ADD2: variants seen among roughly 807,000 people sequenced by gnomAD.
ADD2 encodes the protein beta-adducin.
In ADD2, 23 loss-of-function variants were observed where a neutral mutation model predicts 83.0. The ratio of observed to expected loss-of-function variants is 0.28; its 90% CI spans 0.20 to 0.39. The LOEUF is 0.39. Among genes scored for constraint, ADD2 ranks in the 10% least tolerant of loss-of-function variants. The probability of loss-of-function intolerance (pLI) is 1.00; values close to 1 mark genes in which losing one functional copy is unlikely to be tolerated. For missense variants in ADD2, 758 were observed against 944.9 expected (o/e 0.80, Z 2.59); for synonymous variants, 375 against 375.4 (o/e 1.00, Z 0.01).
chr2:70,687,108 C>G (rs924686828), intron 9 of ADD2: 1 of 152,304 alleles, frequency 6.6e-6, no homozygotes, highest in Non-Finnish European at 1.5e-5. Context: ...CAACACCCCT[C>G]TTTGTGTCCT....
chr2:70,734,062 C>A lies in ADD2; in HGVS notation c.-153-20878G>T, dbSNP rs574579416. Among the ~76,000 whole-genome samples, 8 of 152,180 alleles carry A rather than the reference C, an allele frequency of 5.3e-5. No individual in the cohort carries two copies. In the South Asian group the frequency reaches 1.7e-3, roughly 32 times the overall value. The stretch of plus-strand genomic sequence containing the variant: ...TGCCGGGACCTGCTATCTCCACCCC[C>A]CTCTCCCCGGGGACACTGAAGACCC... On this transcript the variant is annotated intron_variant, in intron 1 of 15. Coordinates refer to ENST00000264436, the MANE Select transcript of ADD2 (RefSeq NM_001617.4).
At chr2:70,746,060 G>A (rs1192116577) in intron 1 of ADD2, among the ~76,000 whole-genome samples, 1 of 152,140 alleles carries the variant, frequency 6.6e-6, no homozygotes, top group East Asian at 1.9e-4. Flanking sequence ...TGAGACTGTC[G>A]TTATGATAAT....
At chr2:70,732,724 C>G (rs1283132909) in intron 1 of ADD2, among the ~76,000 whole-genome samples, 1 of 152,172 alleles carries the variant, frequency 6.6e-6, no homozygotes. Flanking sequence ...AAAGTCTCCT[C>G]TGAACCAAGC....
At chr2:70,692,294 C>T (rs1671082449) in intron 7 of ADD2, 109 bp downstream of exon 7, 3 of 1,282,274 alleles carry the variant, frequency 2.3e-6, no homozygotes, top group African/African-American at 1.5e-5. Flanking sequence ...TCTCTCGCTT[C>T]ACCTTGGCCT....
chr2:70,766,497 G>A (rs1675390713), intron 1 of ADD2, among the ~76,000 whole-genome samples: 1 of 152,166 alleles, frequency 6.6e-6, no homozygotes, highest in Admixed American at 6.5e-5. Flanking sequence ...AGTCTGAAAC[G>A]TCATAGTTCT....
intron 7 of ADD2, 61 bp from the exon 8 acceptor site, chr2:70,690,990 C>A: frequency 6.4e-7 from 1 of 1,557,638 alleles, no homozygotes; most frequent in Non-Finnish European, 8.7e-7. Flanking sequence ...CTCAGAGCAG[C>A]ACAGTCCAGC....
chr2:70,729,975 A>G (rs2863798), intron 1 of ADD2, among the ~76,000 whole-genome samples: 3,908 of 152,350 alleles, frequency 0.026, 93 homozygotes, highest in Admixed American at 0.063. Context: ...ATTCAAGTCC[A>G]CACATTTTTG....
intron 1 of ADD2, among the ~76,000 whole-genome samples, chr2:70,721,739 A>G (rs928929174): frequency 4.6e-5 from 7 of 152,232 alleles, no homozygotes; most frequent in African/African-American, 1.7e-4. Context: ...TACCTTAATG[A>G]TTAGTCCAAT....
intron 15 of ADD2, among the ~76,000 whole-genome samples, chr2:70,668,014 G>C (rs958079895): frequency 6.6e-6 from 1 of 152,060 alleles, no homozygotes; most frequent in Admixed American, 6.6e-5. Flanking sequence ...CTCTCACATA[G>C]AACAAAAAGG....
rs1673661566 is a variant in ADD2 at position 70,737,802 on chromosome 2, C to T, written c.-153-24618G>A. ...TCATCCAAGTCCCCCTGTTCTGATT[C>T]CATCTCCCAAAAAATTCTTCTGATT... On this transcript the variant is annotated intron_variant, in intron 1 of 15. Coordinates refer to ENST00000264436, the MANE Select transcript of ADD2 (RefSeq NM_001617.4). Among the ~76,000 whole-genome samples, 2 of 152,168 alleles carry T rather than the reference C, an allele frequency of 1.3e-5. 1 individual carries two copies. Among genetic ancestry groups the T allele is most frequent in the South Asian group, 4.1e-4 (2 of 4,820 alleles).
rs1672280342 is a variant in ADD2 at position 70,713,064 on chromosome 2, A to C, written c.-35+2T>G. On this transcript the variant is annotated splice_donor_variant, in intron 2 of 15. Coordinates refer to ENST00000264436, the MANE Select transcript of ADD2 (RefSeq NM_001617.4). LOFTEE classifies it low-confidence loss of function (5UTR_SPLICE). ...CACCACCAGAAACTACTGCTTACTT[A>C]CCGGGAGGCTGGCCCAGCCCTGTCC... is the stretch of plus-strand genomic sequence containing the variant. The C allele has an allele frequency of 1.0e-6, 1 of 984,186 alleles. No homozygotes were observed. The highest frequency in any genetic ancestry group is 1.7e-5 in the African/African-American group (1 of 57,188). 61.0% of individuals were successfully genotyped at this position (984,186 alleles called of 1,614,324 possible).
At chr2:70,685,175 T>TTCAGTA (rs1339184328) in intron 9 of ADD2, among the ~76,000 whole-genome samples, 1 of 152,168 alleles carries the variant, frequency 6.6e-6, no homozygotes, top group African/African-American at 2.4e-5. Context: ...TATGCAAACT[T>TTCAGTA]TCAGTATTTT....
At chr2:70,763,281 G>A (rs183799154) in intron 1 of ADD2, among the ~76,000 whole-genome samples, 1 of 152,046 alleles carries the variant, frequency 6.6e-6, no homozygotes, top group East Asian at 1.9e-4. Flanking sequence ...GGAAGATTTG[G>A]TGGTGGTTGT....
intron 3 of ADD2, among the ~76,000 whole-genome samples, chr2:70,705,055 T>C (rs370846548): frequency 4.6e-5 from 7 of 152,104 alleles, no homozygotes; most frequent in Non-Finnish European, 1.0e-4. Flanking sequence ...CTTAGGTGTG[T>C]TGGCCAACCT....
rs374392122 is a variant in ADD2, at chr2:70,716,968, T to A, written c.-153-3784A>T. ...AGACAGAGAGGAAGGTAATATTACATACCATGCATCACACACAACAACCTC... is the reference window on the plus strand; with the variant it reads ...AGACAGAGAGGAAGGTAATATTACAAACCATGCATCACACACAACAACCTC... On this transcript the variant is annotated intron_variant, in intron 1 of 15. Transcript: ENST00000264436. Among the ~76,000 whole-genome samples, 6 of 152,242 alleles carry A rather than the reference T, an allele frequency of 3.9e-5. No homozygotes were observed. The South Asian group carries it at 6.2e-4, about 16-fold the overall frequency.
chr2:70,719,062 C>T (rs1672609112), intron 1 of ADD2, among the ~76,000 whole-genome samples: 2 of 152,186 alleles, frequency 1.3e-5, no homozygotes, highest in African/African-American at 4.8e-5. Flanking sequence ...GAGTAGGCAC[C>T]TCTGGTACTC....
chr2:70,713,735 G>A lies in ADD2; in HGVS notation c.-153-551C>T, dbSNP rs534715449. ...GGCAAGGCCTCCAGGGAAAGCGGTT[G>A]CCCTGGCCTGGTGGAGGGCGCAGAA... On this transcript the variant is annotated intron_variant, in intron 1 of 15. Coordinates refer to ENST00000264436, the MANE Select transcript of ADD2 (RefSeq NM_001617.4). 2.0e-5 allele frequency among the ~76,000 whole-genome samples: 3 copies of A among 152,238 alleles called. No individual in the cohort carries two copies. The South Asian group carries it at 6.2e-4, about 32-fold the overall frequency.
rs1201364355 is a variant in ADD2, at chr2:70,658,466, C to A, written c.*4959G>T. 3 of 152,218 alleles carry A rather than the reference C, an allele frequency of 2.0e-5. No homozygotes were observed. The highest frequency in any genetic ancestry group is 4.4e-5 in the Non-Finnish European group (3 of 68,042). 9.4% of individuals were successfully genotyped at this position (152,218 alleles called of 1,614,324 possible). A position where few individuals can be genotyped will look rare whatever the true frequency, so the allele number is the denominator to read the frequency against. ...TGCACATTTCATGAGTTTACAGTCA[C>A]TACAGGCCTCTTACTTCTTGCATTA... is the stretch of plus-strand genomic sequence containing the variant. On this transcript the variant is annotated 3_prime_UTR_variant, in exon 16 of 16. Coordinates refer to ENST00000264436, the MANE Select transcript of ADD2 (RefSeq NM_001617.4).
At chr2:70,704,263 T>TGGCCCCCCCCCCCCCCCC in intron 4 of ADD2, 58 bp downstream of exon 4, 193 of 913,150 alleles carry the variant, frequency 2.1e-4, no homozygotes, top group Middle Eastern at 2.9e-4. Flanking sequence ...CTCCCTCTCT[T>TGGCCCCCCCCCCCCCCCC]CCCCACCCCA....
Sources: allele counts gnomAD v4.1 joint callset (sites outside exome capture counted in the v4.1 genomes callset), GRCh38; gene constraint gnomAD v4.1.1; transcripts MANE v1.5; gene names NCBI Gene and HGNC (gene_info 2026-07-23, HGNC 2026-07-21).